WDPCP: variants seen among roughly 807,000 people sequenced by gnomAD.
WDPCP encodes WD repeat containing planar cell polarity effector.
Under a neutral mutation model 93.1 loss-of-function variants are expected in WDPCP, and 71 were observed. That is an observed-to-expected ratio of 0.76 (90% CI 0.63 to 0.93). The LOEUF is 0.93. Among genes scored for constraint, WDPCP ranks in the 40% least tolerant of loss-of-function variants. The pLI is 0.00. For synonymous variants in WDPCP, 315 were observed against 315.0 expected (o/e 1.00, Z 0.00); for missense variants, 844 against 887.4 (o/e 0.95, Z 0.62).
At chr2:63,249,315 G>A (rs1680532849) in intron 14 of WDPCP, among the ~76,000 whole-genome samples, 1 of 152,120 alleles carries the variant, frequency 6.6e-6, no homozygotes, top group African/African-American at 2.4e-5. Flanking sequence ...ATACATGGCT[G>A]CTTTTGAATG....
chr2:63,803,152 T>G (rs960949431), intron 2 of WDPCP, among the ~76,000 whole-genome samples: 4 of 152,154 alleles, frequency 2.6e-5, no homozygotes, highest in African/African-American at 4.8e-5. Flanking sequence ...TGAATAATAA[T>G]TAAGCTGTTA....
Position 63,702,674 on chromosome 2 carries a change from AC to A in WDPCP, n.309-51837del, listed in dbSNP as rs1294611787. Among the ~76,000 whole-genome samples, 4 of 149,104 alleles carry A rather than the reference AC, an allele frequency of 2.7e-5. No homozygotes were observed. The East Asian group carries it at 7.8e-4, about 29-fold the overall frequency. On this transcript the variant is annotated intron_variant and non_coding_transcript_variant, in intron 2 of 4. Transcript: ENST00000467687. ...CTGCCTCAGCCTTCCGAGTAGCTGG[AC>A]TGCAGGCGCCCACCACCACATCCAG...
At chr2:63,745,398 C>A (rs974204246) in intron 2 of WDPCP, among the ~76,000 whole-genome samples, 2 of 152,188 alleles carry the variant, frequency 1.3e-5, no homozygotes, top group South Asian at 4.1e-4. Context: ...ATGCTGCCAA[C>A]AACTATGAGT....
At chr2:63,413,563 C>T (rs1009121829) in intron 9 of WDPCP, among the ~76,000 whole-genome samples, 4 of 152,046 alleles carry the variant, frequency 2.6e-5, no homozygotes, top group Non-Finnish European at 4.4e-5. Context: ...TTTGGGAGGC[C>T]GAGACGAGCG....
intron 10 of WDPCP, among the ~76,000 whole-genome samples, chr2:63,389,252 C>A (rs1693009738): frequency 6.6e-6 from 1 of 152,158 alleles, no homozygotes; most frequent in Non-Finnish European, 1.5e-5. Context: ...ATTCAACATT[C>A]TTAAAGAAAA....
At chr2:63,550,894 A>G (rs544086337) in intron 1 of WDPCP, among the ~76,000 whole-genome samples, 1 of 152,118 alleles carries the variant, frequency 6.6e-6, no homozygotes, top group African/African-American at 2.4e-5. Flanking sequence ...ACCAAGGACT[A>G]AAATTGAACT....
chr2:63,159,453 G>A (rs1672500888), intron 15 of WDPCP, among the ~76,000 whole-genome samples: 1 of 152,018 alleles, frequency 6.6e-6, no homozygotes, highest in Non-Finnish European at 1.5e-5. Flanking sequence ...TCCAACATTT[G>A]TCATCTCAGC....
chr2:63,819,682 AC>A (rs944158876), intron 1 of WDPCP, among the ~76,000 whole-genome samples: 21 of 151,872 alleles, frequency 1.4e-4, no homozygotes, highest in Non-Finnish European at 2.5e-4. Context: ...TATTTCTAGA[AC>A]CTCTATTCTA....
At chr2:63,208,859 G>A (rs1221178023) in intron 14 of WDPCP, among the ~76,000 whole-genome samples, 1 of 152,146 alleles carries the variant, frequency 6.6e-6, no homozygotes, top group Non-Finnish European at 1.5e-5. Flanking sequence ...TTGCCCTTCT[G>A]CTCCATAGGA....
chr2:63,537,870 C>T (rs1362979853), intron 1 of WDPCP, among the ~76,000 whole-genome samples: 1 of 152,200 alleles, frequency 6.6e-6, no homozygotes, highest in Non-Finnish European at 1.5e-5. Context: ...AGGTAACTTA[C>T]TATTTTATAC....
intron 2 of WDPCP, among the ~76,000 whole-genome samples, chr2:63,722,722 G>A (rs1339703132): frequency 8.8e-5 from 13 of 148,494 alleles, no homozygotes; most frequent in Admixed American, 2.0e-4. Flanking sequence ...GCCTCTGCCC[G>A]GCCGCCCCTA....
rs565490511 is a variant in WDPCP at position 63,198,451 on chromosome 2, A to T, written c.1916-23619T>A. On this transcript the variant is annotated intron_variant, in intron 14 of 17. Transcript: ENST00000272321. ...GTGGATGCCAGGGAAAAACAGTCTG[A>T]TGGTATTTTTATATGCATAATGTTA... 6.3e-4 allele frequency among the ~76,000 whole-genome samples: 96 copies of T among 152,250 alleles called. 3 individuals are homozygous for T. In the South Asian group the frequency reaches 0.02, roughly 31 times the overall value.
chr2:63,645,340 T>A (rs901609610), intron 3 of WDPCP, among the ~76,000 whole-genome samples: 1 of 152,218 alleles, frequency 6.6e-6, no homozygotes, highest in African/African-American at 2.4e-5. Context: ...TAGCTTTTAG[T>A]TGTACTCCAT....
chr2:63,543,973 T>C (rs1472011997), intron 1 of WDPCP, among the ~76,000 whole-genome samples: 8 of 152,086 alleles, frequency 5.3e-5, no homozygotes. Flanking sequence ...TATGGTTAGC[T>C]GAGCTTAAAA....
At chr2:63,498,665 T>C (rs769800637) in intron 1 of WDPCP, among the ~76,000 whole-genome samples, 6 of 152,228 alleles carry the variant, frequency 3.9e-5, no homozygotes, top group Non-Finnish European at 8.8e-5. Flanking sequence ...AAAATACCTG[T>C]ACTCTGCCCG....
At chr2:63,369,905 G>T (rs1467769191) in intron 12 of WDPCP, among the ~76,000 whole-genome samples, 2 of 152,028 alleles carry the variant, frequency 1.3e-5, no homozygotes, top group Admixed American at 1.3e-4. Context: ...TTCTTTTACT[G>T]CTATTGCTAT....
chr2:63,786,091 G>A (rs546201229), intron 2 of WDPCP, among the ~76,000 whole-genome samples: 1 of 152,244 alleles, frequency 6.6e-6, no homozygotes, highest in Non-Finnish European at 1.5e-5. Context: ...CTAGGCTGGA[G>A]TGCAGTGGCG....
intron 14 of WDPCP, among the ~76,000 whole-genome samples, chr2:63,179,554 T>C (rs1674080879): frequency 6.6e-6 from 1 of 151,798 alleles, no homozygotes; most frequent in South Asian, 2.1e-4. Flanking sequence ...AAAAGCTCCC[T>C]AAGGCCTCCT....
In WDPCP at chr2:63,655,419, C is replaced by T. The variant is rs528847163; in HGVS notation, n.309-4581G>A. On this transcript the variant is annotated intron_variant and non_coding_transcript_variant, in intron 2 of 4. Coordinates refer to the WDPCP transcript ENST00000467687. ...CTACATATGTGTATATATATACACA[C>T]GTATATATATATATATTTAAATAAC... Among the ~76,000 whole-genome samples the T allele has an allele frequency of 1.1e-3, 159 of 150,060 alleles. 1 individual carries two copies. The highest frequency in any genetic ancestry group is 3.7e-3 in the African/African-American group (149 of 39,884).
Sources: allele counts gnomAD v4.1 joint callset (sites outside exome capture counted in the v4.1 genomes callset), GRCh38; gene constraint gnomAD v4.1.1; transcripts MANE v1.5; gene names NCBI Gene and HGNC (gene_info 2026-07-23, HGNC 2026-07-21).